Variants in NASP observed in about 807,000 individuals in gnomAD.
NASP encodes the protein NASP histone chaperone.
Under a neutral mutation model 89.5 loss-of-function variants are expected in NASP, and 24 were observed. The ratio of observed to expected loss-of-function variants is 0.27; its 90% CI spans 0.19 to 0.38. The LOEUF is 0.38. Ranked by LOEUF, NASP falls within the 10% of genes least tolerant of loss-of-function variation. The pLI is 1.00. For synonymous variants in NASP, 306 were observed against 324.7 expected (o/e 0.94, Z 0.62); for missense variants, 848 against 921.4 (o/e 0.92, Z 1.03).
chr1:45,586,298 T>TGTGTGTGTGTGTGTG lies in NASP; in HGVS notation c.59+2104_59+2105insTGTGGTGTGTGTGTG, dbSNP rs1644547744. 6.6e-4 allele frequency among the ~76,000 whole-genome samples: 64 copies of TGTGTGTGTGTGTGTG among 96,652 alleles called. 1 individual carries two copies. Among genetic ancestry groups the TGTGTGTGTGTGTGTG allele is most frequent in the Middle Eastern group, 4.5e-3 (1 of 222 alleles). 63.4% of individuals were successfully genotyped at this position (96,652 alleles called of 152,430 possible). The stretch of plus-strand genomic sequence containing the variant: ...TGTGTGTGTGTGGTGTGTGTGTGTG[T>TGTGTGTGTGTGTGTG]GTGTGTGTGTGGTGTGTGTGTGTGT... On this transcript the variant is annotated intron_variant, in intron 1 of 14. Coordinates refer to ENST00000350030, the MANE Select transcript of NASP (RefSeq NM_002482.4).
intron 6 of NASP, among the ~76,000 whole-genome samples, chr1:45,609,131 T>G (rs1460127393): frequency 6.6e-6 from 1 of 152,228 alleles, no homozygotes; most frequent in Non-Finnish European, 1.5e-5. Flanking sequence ...TTCATTAAGG[T>G]GTATAAGCCT....
intron 6 of NASP, chr1:45,609,177 T>C (rs1268107558): frequency 6.6e-6 from 1 of 152,250 alleles, no homozygotes; most frequent in Non-Finnish European, 1.5e-5. Flanking sequence ...TGACTTTTGC[T>C]ATCATTTGAG....
intron 13 of NASP, 143 bp from the exon 14 acceptor site, chr1:45,617,320 C>A: frequency 1.1e-6 from 1 of 911,074 alleles, no homozygotes; most frequent in Non-Finnish European, 1.7e-6. Context: ...TTGGCATCTG[C>A]CTGTGGCTAG....
intron 1 of NASP, among the ~76,000 whole-genome samples, chr1:45,586,292 T>TGTGTGTGTGTGTGTGGTGTGTGTGTG (rs1644546220): frequency 3.1e-5 from 3 of 95,746 alleles, no homozygotes; most frequent in African/African-American, 1.4e-4. Context: ...GTGGTGTGTG[T>TGTGTGTGTGTGTGTGGTGTGTGTGTG]GTGTGTGTGT....
chr1:45,603,870 A>G (rs1419281068), intron 3 of NASP, among the ~76,000 whole-genome samples: 1 of 152,136 alleles, frequency 6.6e-6, no homozygotes, highest in Non-Finnish European at 1.5e-5. Flanking sequence ...CGGCCTCCCA[A>G]AGTTCTGGGA....
chr1:45,614,741 A>G (rs1014634399), intron 9 of NASP, among the ~76,000 whole-genome samples: 16 of 151,488 alleles, frequency 1.1e-4, no homozygotes, highest in Admixed American at 3.3e-4. Flanking sequence ...GTTTCACCAT[A>G]TTGGCCAGGC....
At position 45,607,258 on chromosome 1, in the gene NASP, C is replaced by G. The variant is rs770688005; in HGVS notation, c.410-63C>G. ...TTAAAGGGAATGTATTTTTAGTTTCCATTTATGCCTTTATCATTAAACTCG... is the reference window on the plus strand; with the variant it reads ...TTAAAGGGAATGTATTTTTAGTTTCGATTTATGCCTTTATCATTAAACTCG... On this transcript the variant is annotated intron_variant, in intron 5 of 14. Transcript: ENST00000350030. 8 of 1,520,110 alleles carry G rather than the reference C, an allele frequency of 5.3e-6. No individual in the cohort carries two copies. The Admixed American group carries it at 1.5e-4, about 29-fold the overall frequency. 94.2% of individuals were successfully genotyped at this position (1,520,110 alleles called of 1,614,324 possible). A position where few individuals can be genotyped will look rare whatever the true frequency, so the allele number is the denominator to read the frequency against.
At chr1:45,606,333 T>C in intron 4 of NASP, 149 bp from the exon 5 acceptor site, 1 of 581,624 alleles carries the variant, frequency 1.7e-6, no homozygotes, top group East Asian at 2.9e-5. Flanking sequence ...AAAGTTTTGA[T>C]CATTGCTTCC....
At chr1:45,608,385 T>G in intron 6 of NASP, 48 bp downstream of exon 6, 1 of 1,542,684 alleles carries the variant, frequency 6.5e-7, no homozygotes, top group Non-Finnish European at 8.8e-7. Flanking sequence ...CATTCTGGAT[T>G]TGACTCACTA....
intron 2 of NASP, chr1:45,600,337 C>T (rs2148347537): frequency 8.1e-7 from 1 of 1,235,122 alleles, no homozygotes; most frequent in Non-Finnish European, 1.1e-6. Context: ...ATTTTCATCA[C>T]CTCAAAGTTT....
Position 45,607,448 on chromosome 1 carries a change from G to A in NASP, c.537G>A (p.Glu179=). ...ETDKEQDSEM[E]KGGREDMDIS... ...ATAAAGAACAGGACAGTGAAATGGA[G>A]AAGGGTGGAAGAGAAGATATGGATA... Residue 179 remains glutamate, a synonymous_variant, in exon 6 of 15, where the codon GAG becomes GAA. Coordinates refer to ENST00000350030, the MANE Select transcript of NASP (RefSeq NM_002482.4). 1.9e-6 allele frequency: 3 copies of A among 1,613,802 alleles called. No individual in the cohort carries two copies. The highest frequency in any genetic ancestry group is 8.5e-7 in the Non-Finnish European group (1 of 1,179,942).
At chr1:45,590,236 C>G (rs1643498757) in intron 1 of NASP, among the ~76,000 whole-genome samples, 1 of 152,102 alleles carries the variant, frequency 6.6e-6, no homozygotes, top group South Asian at 2.1e-4. Flanking sequence ...TAGGCTTGTG[C>G]TAAGCAAGAA....
rs2297653 is a variant in NASP at position 45,615,199 on chromosome 1, T to C, written c.1853T>C (p.Met618Thr). Residue 618 changes from methionine (M) to threonine (T), a missense_variant and splice_region_variant, in exon 10 of 15, where the codon ATG becomes ACG. By Grantham distance (81) the Met-to-Thr change is moderately conservative (BLOSUM62 -1). Transcript: ENST00000350030. ...TCTATTGAAGTCATTGAGAACAGAA[T>C]GGGTGAGTGAAGACGAGCTGCTTCA... ...SKSIEVIENR[M>T]AVLNEQVKEA... 169 of 1,614,000 alleles carry C rather than the reference T, an allele frequency of 1.0e-4. 3 individuals are homozygous for C. The East Asian group carries it at 3.5e-3, about 34-fold the overall frequency.
At position 45,586,897 on chromosome 1, in the gene NASP, AT is replaced by A. The variant is rs147128496; in HGVS notation, c.59+2693del. On this transcript the variant is annotated intron_variant, in intron 1 of 14. Coordinates refer to ENST00000350030, the MANE Select transcript of NASP (RefSeq NM_002482.4). The stretch of plus-strand genomic sequence containing the variant: ...AAATTTAGGAGATGAGGATCTTACT[AT>A]GTTGCCCAGGCTGGATTCCCAACTC... 1.2e-3 allele frequency among the ~76,000 whole-genome samples: 177 copies of A among 152,232 alleles called. 1 individual carries two copies. Among genetic ancestry groups the A allele is most frequent in the African/African-American group, 4.2e-3 (174 of 41,538 alleles).
intron 1 of NASP, among the ~76,000 whole-genome samples, chr1:45,587,688 A>ATATATATATATATATATATATATAAG (rs1553169240): frequency 5.7e-5 from 1 of 17,476 alleles, no homozygotes; most frequent in Non-Finnish European, 1.4e-4. Flanking sequence ...ATATATATAT[A>ATATATATATATATATATATATATAAG]ATTAATTTTT....
chr1:45,586,829 G>GA (rs941614897), intron 1 of NASP, among the ~76,000 whole-genome samples: 17 of 151,508 alleles, frequency 1.1e-4, no homozygotes, highest in Admixed American at 3.9e-4. Context: ...CCAGTAGAAA[G>GA]AAAAAAAATG....
At chr1:45,614,390 T>C (rs368857114) in intron 9 of NASP, 24 bp downstream of exon 9, 37 of 1,537,194 alleles carry the variant, frequency 2.4e-5, no homozygotes, top group Non-Finnish European at 3.3e-5. Flanking sequence ...CATTTTATAC[T>C]CTCCTACTCT....
At chr1:45,597,235 A>T (rs1643720593) in intron 2 of NASP, among the ~76,000 whole-genome samples, 1 of 140,312 alleles carries the variant, frequency 7.1e-6, no homozygotes, top group Non-Finnish European at 1.5e-5. Context: ...TCAACCCAGG[A>T]GGTGGAGGTT....
chr1:45,592,317 G>T (rs1039431379), intron 2 of NASP, among the ~76,000 whole-genome samples: 2 of 152,006 alleles, frequency 1.3e-5, no homozygotes, highest in African/African-American at 4.8e-5. Flanking sequence ...GTCTTGCTTT[G>T]TTGGCCAGGG....
Sources: gnomAD v4.1 joint callset for allele counts (sites outside exome capture counted in the v4.1 genomes callset) on GRCh38, gnomAD v4.1.1 for gene constraint, MANE v1.5 for transcripts, NCBI Gene and HGNC (gene_info 2026-07-23, HGNC 2026-07-21) for gene names.